ERBB4: variants seen among roughly 807,000 people sequenced by gnomAD.
ERBB4 encodes the protein receptor tyrosine-protein kinase erbB-4.
In ERBB4, 42 loss-of-function variants were observed where a neutral mutation model predicts 158.0. The observed-to-expected ratio is 0.27, with a 90% confidence interval of 0.21 to 0.34. The LOEUF (loss-of-function observed/expected upper bound fraction) is 0.34. ERBB4 is among the 10% of genes least tolerant of loss of function. The pLI, the probability that ERBB4 is intolerant of heterozygous loss-of-function variation, is 1.00. For synonymous variants in ERBB4, 583 were observed against 558.7 expected (o/e 1.04, Z -0.61); for missense variants, 1,333 against 1,624.1 (o/e 0.82, Z 3.08).
chr2:212,028,043 G>A (rs532190416), intron 2 of ERBB4, among the ~76,000 whole-genome samples: 3 of 152,176 alleles, frequency 2.0e-5, no homozygotes, highest in African/African-American at 7.2e-5. Context: ...AATGAAGGAA[G>A]TTGCCAGTTG....
intron 1 of ERBB4, among the ~76,000 whole-genome samples, chr2:212,396,976 T>A (rs1038534507): frequency 2.0e-5 from 3 of 152,156 alleles, no homozygotes; most frequent in African/African-American, 7.2e-5. Context: ...GAACAATAAA[T>A]GTATATTATT....
chr2:211,453,813 G>T (rs1350371242), intron 20 of ERBB4, among the ~76,000 whole-genome samples: 1 of 152,148 alleles, frequency 6.6e-6, no homozygotes, highest in African/African-American at 2.4e-5. Flanking sequence ...GTAGAAAGTT[G>T]TTTGTTTTAA....
chr2:211,424,729 C>T (rs1328201836), intron 22 of ERBB4, among the ~76,000 whole-genome samples: 3 of 152,064 alleles, frequency 2.0e-5, no homozygotes, highest in Non-Finnish European at 2.9e-5. Context: ...TTAAGATCAG[C>T]ATCTTTGCTA....
At chr2:211,719,868 G>GAAAAA (rs56887696) in intron 7 of ERBB4, among the ~76,000 whole-genome samples, 3 of 76,740 alleles carry the variant, frequency 3.9e-5, no homozygotes, top group Non-Finnish European at 6.4e-5. Context: ...ACAAAGAAAA[G>GAAAAA]AAAAAAAAAA....
At chr2:212,058,970 G>A (rs1412471543) in intron 2 of ERBB4, among the ~76,000 whole-genome samples, 1 of 152,108 alleles carries the variant, frequency 6.6e-6, no homozygotes, top group Non-Finnish European at 1.5e-5. Context: ...GAAATAAAGG[G>A]TATTCAATTA....
At chr2:211,584,261 TG>T (rs1574806851) in intron 19 of ERBB4, among the ~76,000 whole-genome samples, 1 of 151,914 alleles carries the variant, frequency 6.6e-6, no homozygotes, top group East Asian at 1.9e-4. Context: ...AGCACTATTT[TG>T]GGGTATTTTG....
chr2:211,772,808 GATAT>G lies in ERBB4; in HGVS notation c.556+15213_556+15216del, dbSNP rs761544601. On this transcript the variant is annotated intron_variant, in intron 4 of 27. Coordinates refer to ENST00000342788, the MANE Select transcript of ERBB4 (RefSeq NM_005235.3). The stretch of plus-strand genomic sequence containing the variant: ...CTACAGGTATACTTCACCATACTGG[GATAT>G]ATATATATATATATATATATATACA... Among the ~76,000 whole-genome samples the G allele has an allele frequency of 8.2e-3, 309 of 37,710 alleles. 12 individuals are homozygous for G. Among genetic ancestry groups the G allele is most frequent in the East Asian group, 0.076 (92 of 1,206 alleles). 24.7% of individuals were successfully genotyped at this position (37,710 alleles called of 152,430 possible).
Position 211,713,553 on chromosome 2 carries a change from T to C in ERBB4, c.979A>G (p.Thr327Ala). 1 of 1,607,024 alleles carries C rather than the reference T, an allele frequency of 6.2e-7. No individual in the cohort carries two copies. Among genetic ancestry groups the C allele is most frequent in the South Asian group, 1.1e-5 (1 of 90,934 alleles). The part of the protein sequence containing the change: ...ENGIKMCKPC[T>A]DICPKACDGI... ...CACTCACCTTTTGGGCAAATGTCAG[T>C]GCAAGGTTTACACATTTTAATCCCA... Residue 327 changes from threonine to alanine, a missense_variant, in exon 8 of 28, where the codon ACT (threonine) becomes GCT (alanine). Transcript: ENST00000342788.
intron 1 of ERBB4, among the ~76,000 whole-genome samples, chr2:212,522,236 A>G (rs193055824): frequency 6.6e-6 from 1 of 152,090 alleles, no homozygotes; most frequent in East Asian, 1.9e-4. Context: ...TTTGTAAAAT[A>G]AGGATGGTAG....
intron 2 of ERBB4, 128 bp downstream of exon 2, chr2:212,124,624 T>C: frequency 9.9e-7 from 1 of 1,011,994 alleles, no homozygotes; most frequent in African/African-American, 1.6e-5. Context: ...CTCTTATCTT[T>C]TGCCTATAGT....
intron 20 of ERBB4, among the ~76,000 whole-genome samples, chr2:211,444,062 T>C (rs994544114): frequency 6.6e-6 from 1 of 152,070 alleles, no homozygotes; most frequent in Non-Finnish European, 1.5e-5. Context: ...GTCTTTCCTA[T>C]AATGGTTTAA....
chr2:211,420,984 C>T (rs756539863), intron 24 of ERBB4, among the ~76,000 whole-genome samples: 11 of 151,846 alleles, frequency 7.2e-5, no homozygotes, highest in South Asian at 2.1e-4. Flanking sequence ...AATTTATCAA[C>T]GTTTATTTGG....
intron 3 of ERBB4, among the ~76,000 whole-genome samples, chr2:211,853,985 AC>A (rs2077785875): frequency 6.6e-6 from 1 of 152,094 alleles, no homozygotes; most frequent in Non-Finnish European, 1.5e-5. Context: ...AACAATATGA[AC>A]CTTTTAACCC....
At chr2:212,132,280 G>C (rs141971060) in intron 1 of ERBB4, among the ~76,000 whole-genome samples, 1 of 152,118 alleles carries the variant, frequency 6.6e-6, no homozygotes, top group Non-Finnish European at 1.5e-5. Context: ...ACAGATTAAG[G>C]AGATGCATAT....
chr2:212,414,752 A>G (rs1227996624), intron 1 of ERBB4, among the ~76,000 whole-genome samples: 1 of 152,184 alleles, frequency 6.6e-6, no homozygotes, highest in African/African-American at 2.4e-5. Flanking sequence ...TAGAAAGCAT[A>G]TTGAATCGAT....
intron 25 of ERBB4, among the ~76,000 whole-genome samples, chr2:211,394,475 T>C (rs2062869116): frequency 6.6e-6 from 1 of 152,176 alleles, no homozygotes; most frequent in African/African-American, 2.4e-5. Flanking sequence ...ACTTAGCTAC[T>C]AGCTAATGCA....
At chr2:211,918,238 A>G (rs1169544077) in intron 3 of ERBB4, among the ~76,000 whole-genome samples, 1 of 152,184 alleles carries the variant, frequency 6.6e-6, no homozygotes, top group Non-Finnish European at 1.5e-5. Flanking sequence ...AGTAATTAAT[A>G]CCTGGTTTAC....
intron 2 of ERBB4, among the ~76,000 whole-genome samples, chr2:212,105,819 G>A (rs1022257775): frequency 3.9e-5 from 6 of 152,142 alleles, no homozygotes; most frequent in African/African-American, 1.2e-4. Flanking sequence ...ACATGGTGGA[G>A]GGTCTTTCCT....
chr2:212,402,875 T>C (rs1467582096), intron 1 of ERBB4, among the ~76,000 whole-genome samples: 7 of 152,100 alleles, frequency 4.6e-5, no homozygotes, highest in African/African-American at 1.7e-4. Context: ...CATTAGTTTT[T>C]CTTCATGATA....
Sources: gnomAD v4.1 joint callset for allele counts (sites outside exome capture counted in the v4.1 genomes callset) on GRCh38, gnomAD v4.1.1 for gene constraint, MANE v1.5 for transcripts, NCBI Gene and HGNC (gene_info 2026-07-23, HGNC 2026-07-21) for gene names.